SLC29A3: variants seen among roughly 807,000 people sequenced by gnomAD.
SLC29A3 encodes solute carrier family 29 member 3, also known as equilibrative nucleoside transporter 3.
In SLC29A3, 18 loss-of-function variants were observed where a neutral mutation model predicts 25.4. The ratio of observed to expected loss-of-function variants is 0.71; its 90% CI spans 0.49 to 1.05. The LOEUF (loss-of-function observed/expected upper bound fraction) is 1.05. Among genes scored for constraint, SLC29A3 ranks in the 50% least tolerant of loss-of-function variants. The pLI is 0.00. For missense variants in SLC29A3, 586 were observed against 609.0 expected, an observed-to-expected ratio of 0.96 and a Z score of 0.40; for synonymous variants, 258 against 267.1, an observed-to-expected ratio of 0.97 and a Z score of 0.33.
At chr10:71,374,369 A>G (rs1847234063) in intron 3 of SLC29A3, among the ~76,000 whole-genome samples, 1 of 152,210 alleles carries the variant, frequency 6.6e-6, no homozygotes, top group Non-Finnish European at 1.5e-5. Flanking sequence ...GGCAGGGGCC[A>G]AGGGTCCTCT....
chr10:71,350,662 G>A (rs574773367), intron 3 of SLC29A3, among the ~76,000 whole-genome samples: 1 of 152,266 alleles, frequency 6.6e-6, no homozygotes, highest in South Asian at 2.1e-4. Flanking sequence ...TTGGCCCCAG[G>A]CAGCACTAAC....
intron 3 of SLC29A3, among the ~76,000 whole-genome samples, chr10:71,375,189 G>A (rs1847241046): frequency 6.6e-6 from 1 of 152,182 alleles, no homozygotes; most frequent in Admixed American, 6.5e-5. Context: ...GACCCTAAGA[G>A]AATCAGAGCA....
At chr10:71,338,047 C>T (rs749758221) in intron 2 of SLC29A3, among the ~76,000 whole-genome samples, 5 of 152,258 alleles carry the variant, frequency 3.3e-5, no homozygotes, top group Non-Finnish European at 5.9e-5. Flanking sequence ...CACATTCACC[C>T]ACCATATGGG....
At chr10:71,347,018 C>T (rs1846606580) in intron 3 of SLC29A3, among the ~76,000 whole-genome samples, 1 of 152,184 alleles carries the variant, frequency 6.6e-6, no homozygotes, top group Non-Finnish European at 1.5e-5. Context: ...CCTGCCCCTG[C>T]TCCTCCTAGG....
intron 2 of SLC29A3, among the ~76,000 whole-genome samples, chr10:71,328,115 T>C (rs988465151): frequency 6.6e-6 from 1 of 152,232 alleles, no homozygotes; most frequent in African/African-American, 2.4e-5. Flanking sequence ...TACCTCGGTC[T>C]GCCCAGGGAC....
chr10:71,368,792 T>C (rs1847190117), intron 3 of SLC29A3, among the ~76,000 whole-genome samples: 1 of 152,206 alleles, frequency 6.6e-6, no homozygotes, highest in African/African-American at 2.4e-5. Flanking sequence ...TCCTTACTAC[T>C]TCCTGGCTGT....
intron 2 of SLC29A3, among the ~76,000 whole-genome samples, chr10:71,326,676 G>C (rs956225737): frequency 6.6e-6 from 1 of 152,196 alleles, no homozygotes; most frequent in Non-Finnish European, 1.5e-5. Flanking sequence ...CCTGGCTCTG[G>C]GAGCAGCCCT....
rs181489520 is a variant in SLC29A3 at position 71,362,336 on chromosome 10, C to T, written c.1156C>T (p.Arg386Trp). 10 of 1,614,182 alleles carry T rather than the reference C, an allele frequency of 6.2e-6. No individual in the cohort carries two copies. The East Asian group carries it at 6.7e-5, about 11-fold the overall frequency. Residue 386 changes from arginine to tryptophan, a missense_variant, in exon 6 of 6, where the codon CGG (arginine) becomes TGG (tryptophan). By Grantham distance (101) the Arg-to-Trp change is moderately radical. Coordinates refer to ENST00000373189, the MANE Select transcript of SLC29A3 (RefSeq NM_018344.6). ...SKALPGFVLL[R>W]TCLIPLFVLC... is the part of the protein sequence containing the mutation. Reference sequence around the variant, plus strand: ...GGCGCTCCCAGGGTTCGTGCTCCTCCGGACCTGCCTCATCCCCCTCTTCGT... The same window carrying T: ...GGCGCTCCCAGGGTTCGTGCTCCTCTGGACCTGCCTCATCCCCCTCTTCGT...
chr10:71,377,594 C>G (rs988787000), intron 4 of SLC29A3, among the ~76,000 whole-genome samples: 2 of 152,184 alleles, frequency 1.3e-5, no homozygotes, highest in Non-Finnish European at 2.9e-5. Context: ...GTAGAGGGAG[C>G]GGAGCCAGTA....
chr10:71,323,804 G>A (rs905393738), intron 2 of SLC29A3, among the ~76,000 whole-genome samples: 4 of 152,178 alleles, frequency 2.6e-5, no homozygotes, highest in Admixed American at 6.5e-5. Context: ...GGGAGGAAAC[G>A]ATCCAGGTAG....
At chr10:71,380,740 G>T (rs769752112) in exon 5 of SLC29A3, 1 of 152,190 alleles carries the variant, frequency 6.6e-6, no homozygotes, top group Non-Finnish European at 1.5e-5. Flanking sequence ...ATGCCCCAAT[G>T]CTTCACCCTG....
chr10:71,359,519 A>G (rs1016329845), intron 5 of SLC29A3, among the ~76,000 whole-genome samples: 2 of 152,238 alleles, frequency 1.3e-5, no homozygotes, highest in African/African-American at 2.4e-5. Flanking sequence ...TTCCGTAGAT[A>G]GCGATTGTGA....
At chr10:71,319,434 A>T in intron 1 of SLC29A3, 124 bp downstream of exon 1, 1 of 485,818 alleles carries the variant, frequency 2.1e-6, no homozygotes, top group Non-Finnish European at 3.6e-6. Context: ...GCAGGACCCT[A>T]CCCCATCCGT....
At chr10:71,339,367 A>G (rs1846334926) in intron 2 of SLC29A3, among the ~76,000 whole-genome samples, 1 of 152,232 alleles carries the variant, frequency 6.6e-6, no homozygotes. Context: ...CCTGAGCTCC[A>G]GGTCATTGCA....
intron 4 of SLC29A3, chr10:71,352,821 A>G (rs893484491): frequency 6.6e-6 from 1 of 152,312 alleles, no homozygotes; most frequent in Non-Finnish European, 1.5e-5. Context: ...CCAGCCAGGT[A>G]AAAAGGAGCG....
intron 2 of SLC29A3, among the ~76,000 whole-genome samples, chr10:71,334,592 C>A (rs555918247): frequency 6.6e-6 from 1 of 152,238 alleles, no homozygotes; most frequent in African/African-American, 2.4e-5. Context: ...TCTACAACAT[C>A]TAGCGAGCTC....
chr10:71,323,869 A>G (rs903944205), intron 2 of SLC29A3, among the ~76,000 whole-genome samples: 3 of 152,174 alleles, frequency 2.0e-5, no homozygotes, highest in Non-Finnish European at 2.9e-5. Context: ...GTGTATGACA[A>G]ACTGTGAAGC....
intron 4 of SLC29A3, among the ~76,000 whole-genome samples, chr10:71,377,765 T>C (rs1384296289): frequency 2.0e-5 from 3 of 152,174 alleles, no homozygotes; most frequent in African/African-American, 7.2e-5. Flanking sequence ...GAACAAATAA[T>C]GATAAAAAAG....
intron 2 of SLC29A3, among the ~76,000 whole-genome samples, chr10:71,329,904 C>T (rs1846080771): frequency 6.6e-6 from 1 of 152,204 alleles, no homozygotes; most frequent in South Asian, 2.1e-4. Flanking sequence ...GTTGTCAAAC[C>T]TGGCAGTGAA....
Sources: allele counts gnomAD v4.1 joint callset (sites outside exome capture counted in the v4.1 genomes callset), GRCh38; gene constraint gnomAD v4.1.1; transcripts MANE v1.5; gene names NCBI Gene and HGNC (gene_info 2026-07-23, HGNC 2026-07-21).